Variants in FRMD8 observed in about 807,000 individuals in gnomAD.
FRMD8 encodes the protein FERM domain containing 8.
A neutral mutation model predicts 54.2 loss-of-function variants in FRMD8; 37 were observed. That is an observed-to-expected ratio of 0.68 (90% confidence interval 0.53 to 0.90). The LOEUF (loss-of-function observed/expected upper bound fraction) is 0.90, where lower values mean the gene tolerates loss of function less well. Ranked by LOEUF, FRMD8 falls within the 40% of genes least tolerant of loss-of-function variation. FRMD8 has a pLI of 0.00. For synonymous variants in FRMD8, 246 were observed against 286.9 expected, an observed-to-expected ratio of 0.86 and a Z score of 1.44; for missense variants, 585 against 653.7, an observed-to-expected ratio of 0.89 and a Z score of 1.15.
chr11:65,396,934 G>C lies in FRMD8; in HGVS notation c.717G>C (p.Glu239Asp). Residue 239 changes from glutamate (E) to aspartate (D), a missense_variant, in exon 7 of 11, where the codon GAG becomes GAC. By Grantham distance (45) the Glu-to-Asp change is conservative. Transcript: ENST00000317568. Reference sequence around the variant, plus strand: ...TGAACGCCTACCGCCAGGTGCAGGAGGTCAGCAGCGACGGCGGGTGCGAGG... The same window carrying C: ...TGAACGCCTACCGCCAGGTGCAGGACGTCAGCAGCGACGGCGGGTGCGAGG... ...GLLNAYRQVQ[E>D]VSSDGGCEAA... The C allele has an allele frequency of 1.3e-6, 2 of 1,546,278 alleles. No homozygotes were observed. Among genetic ancestry groups the C allele is most frequent in the Non-Finnish European group, 1.7e-6 (2 of 1,144,858 alleles).
At chr11:65,379,324 C>T in the FRMD8 span, 19 of 1,589,158 alleles carry the variant, frequency 1.2e-5, no homozygotes, top group African/African-American at 4.0e-5. Context: ...GAGGACAGAT[C>T]GAGATGACCA....
chr11:65,375,233 C>A, the FRMD8 span: 7 of 152,280 alleles, frequency 4.6e-5, no homozygotes, highest in African/African-American at 1.7e-4. Flanking sequence ...TGTTCAAGCA[C>A]CAGGCTCAGG....
upstream of FRMD8, among the ~76,000 whole-genome samples, chr11:65,384,470 T>G (rs142250596): frequency 7.4e-4 from 112 of 151,992 alleles, no homozygotes; most frequent in African/African-American, 2.5e-3. Flanking sequence ...GTCTTTGACA[T>G]AAAACAGAGA....
chr11:65,393,421 G>C, intron 3 of FRMD8, 152 bp from the exon 4 acceptor site: 4 of 607,820 alleles, frequency 6.6e-6, no homozygotes, highest in Non-Finnish European at 1.2e-5. Flanking sequence ...ATGGGGGATA[G>C]GGTTATTGCA....
intron 3 of FRMD8, among the ~76,000 whole-genome samples, chr11:65,391,428 G>T (rs943192920): frequency 2.0e-5 from 3 of 152,198 alleles, no homozygotes; most frequent in Admixed American, 6.5e-5. Context: ...GACGTGCAAA[G>T]CCTCTCTCAG....
the FRMD8 span, among the ~76,000 whole-genome samples, chr11:65,371,695 A>G: frequency 0.4 from 61,127 of 151,954 alleles, 13,613 homozygotes; most frequent in South Asian, 0.55. Flanking sequence ...GCTCACTGCA[A>G]CCTCCGCCTC....
the FRMD8 span, among the ~76,000 whole-genome samples, chr11:65,369,954 C>T: frequency 1.3e-5 from 2 of 150,576 alleles, no homozygotes; most frequent in Admixed American, 1.3e-4. Context: ...TCACTTGAAC[C>T]CAGGAGGTGG....
chr11:65,393,927 C>G, intron 4 of FRMD8, 114 bp from the exon 5 acceptor site: 2 of 1,143,890 alleles, frequency 1.7e-6, no homozygotes, highest in Middle Eastern at 4.1e-4. Flanking sequence ...GCACGGCCCT[C>G]CGGTTTTCTC....
chr11:65,396,156 C>T (rs554533731), intron 6 of FRMD8, among the ~76,000 whole-genome samples: 5 of 152,264 alleles, frequency 3.3e-5, no homozygotes, highest in South Asian at 2.1e-4. Flanking sequence ...TGGGTGGACA[C>T]GTGGTAACCA....
In FRMD8 at chr11:65,400,666, G is replaced by C. The variant is rs1007967771; in HGVS notation, c.928-58G>C. ...TGGCCAGGTGTCTGAGTGGGATGGGGTGGGGAGCAGACCTCTGCCCAGGGG... is the reference window on the plus strand; with the variant it reads ...TGGCCAGGTGTCTGAGTGGGATGGGCTGGGGAGCAGACCTCTGCCCAGGGG... On this transcript the variant is annotated intron_variant, in intron 8 of 10. Transcript: ENST00000317568. This position sits in a 1 kb window ranked among gnomAD's most constrained non-coding sequence, Gnocchi z 4.3. 1 of 1,478,002 alleles carries C rather than the reference G, an allele frequency of 6.8e-7. No individual in the cohort carries two copies. The highest frequency in any genetic ancestry group is 1.4e-5 in the African/African-American group (1 of 71,450). 91.6% of individuals were successfully genotyped at this position (1,478,002 alleles called of 1,614,324 possible). A position where few individuals can be genotyped will look rare whatever the true frequency, so the allele number is the denominator to read the frequency against.
chr11:65,411,245 A>G lies in FRMD8; in HGVS notation c.1280A>G (p.Lys427Arg), dbSNP rs1364534233. The change falls in exon 11 of 11, where the codon AAG (lysine) becomes AGG (arginine). Residue 427 changes from lysine (K) to arginine (R), a missense_variant. Coordinates refer to ENST00000317568, the MANE Select transcript of FRMD8 (RefSeq NM_031904.5). ...GTGCCCTCCCATTCCCTCGCAGGCA[A>G]GGGGATCAGGCGAGTGAAGCCGAAG... ...LSTIDYVEDG[K>R]GIRRVKPKRT... 3 of 1,605,334 alleles carry G rather than the reference A, an allele frequency of 1.9e-6. No homozygotes were observed. The South Asian group carries it at 3.3e-5, about 18-fold the overall frequency.
At chr11:65,394,120 G>T in intron 5 of FRMD8, 21 bp downstream of exon 5, 1 of 1,612,636 alleles carries the variant, frequency 6.2e-7, no homozygotes, top group Non-Finnish European at 8.5e-7. Flanking sequence ...AGCCCTGGTG[G>T]CCCCACCAGG....
upstream of FRMD8, among the ~76,000 whole-genome samples, chr11:65,385,036 C>T (rs1299239505): frequency 1.3e-5 from 2 of 152,178 alleles, no homozygotes; most frequent in East Asian, 1.9e-4. Context: ...TTCCTTAACT[C>T]ACCAATTAAA....
At chr11:65,383,766 A>AC (rs1296855823), upstream of FRMD8, 2 of 105,520 alleles carry the variant, frequency 1.9e-5, no homozygotes, top group African/African-American at 5.7e-5. Flanking sequence ...TCAAAAAAAA[A>AC]AAACAAACAA....
the FRMD8 span, among the ~76,000 whole-genome samples, chr11:65,368,854 C>T: frequency 5.3e-4 from 81 of 152,272 alleles, 1 homozygote; most frequent in South Asian, 0.012. Flanking sequence ...TGAGCCACCA[C>T]GCCCGGTCTA....
At chr11:65,386,499 A>G (rs1855731858), upstream of FRMD8, 1 of 153,912 alleles carries the variant, frequency 6.5e-6, no homozygotes, top group African/African-American at 2.4e-5. Context: ...CGGCCACCCC[A>G]CGGGCGTGAT....
Position 65,394,281 on chromosome 11 carries a change from G to A in FRMD8, c.437G>A (p.Arg146Gln), listed in dbSNP as rs765180532. Residue 146 changes from arginine (R) to glutamine (Q), a missense_variant, in exon 6 of 11, where the codon CGG becomes CAG. Coordinates refer to ENST00000317568, the MANE Select transcript of FRMD8 (RefSeq NM_031904.5). ...CAGATCCATGACGAGGAGGTCCTGCGGCTGCTCTATGAGGAGGCCAAGGGC... is the reference window on the plus strand; with the variant it reads ...CAGATCCATGACGAGGAGGTCCTGCAGCTGCTCTATGAGGAGGCCAAGGGC... ...ELQIHDEEVL[R>Q]LLYEEAKGNV... The A allele has an allele frequency of 9.4e-6, 15 of 1,598,322 alleles. No homozygotes were observed. The highest frequency in any genetic ancestry group is 5.4e-5 in the African/African-American group (4 of 74,414).
At chr11:65,368,993 G>A in the FRMD8 span, among the ~76,000 whole-genome samples, 12 of 152,120 alleles carry the variant, frequency 7.9e-5, no homozygotes, top group Non-Finnish European at 1.3e-4. Flanking sequence ...GATGAAGGGG[G>A]ACAGTGTGAG....
At chr11:65,375,311 CA>C in the FRMD8 span, 1 of 152,398 alleles carries the variant, frequency 6.6e-6, no homozygotes, top group Non-Finnish European at 1.5e-5. Context: ...AGCCGAGAAG[CA>C]AATTAATGAC....
Sources: gnomAD v4.1 joint callset for allele counts (sites outside exome capture counted in the v4.1 genomes callset) on GRCh38, gnomAD v4.1.1 for gene constraint, Gnocchi (gnomAD v3.1) non-coding constraint, MANE v1.5 for transcripts, NCBI Gene and HGNC (gene_info 2026-07-23, HGNC 2026-07-21) for gene names.